STPG2: variants seen among roughly 807,000 people sequenced by gnomAD.
STPG2 encodes the protein sperm-tail PG-rich repeat-containing protein 2.
In STPG2, 56 loss-of-function variants were observed where a neutral mutation model predicts 54.2. The observed-to-expected ratio is 1.03, with a 90% CI of 0.83 to 1.29. The LOEUF (loss-of-function observed/expected upper bound fraction) is 1.29. Ranked by LOEUF, STPG2 falls within the 50% of genes most tolerant of loss-of-function variation. The pLI, the probability that STPG2 is intolerant of heterozygous loss-of-function variation, is 0.00. For missense variants in STPG2, 596 were observed against 544.9 expected, an observed-to-expected ratio of 1.09 and a Z score of -0.93; for synonymous variants, 200 against 181.8, an observed-to-expected ratio of 1.10 and a Z score of -0.81.
intron 10 of STPG2, among the ~76,000 whole-genome samples, chr4:97,658,392 T>C (rs1722277700): frequency 6.6e-6 from 1 of 152,196 alleles, no homozygotes; most frequent in South Asian, 2.1e-4. Flanking sequence ...AATTTATGCT[T>C]TTGACAATAT....
chr4:98,011,738 G>A (rs771770066), intron 5 of STPG2, among the ~76,000 whole-genome samples: 1 of 152,022 alleles, frequency 6.6e-6, no homozygotes, highest in Non-Finnish European at 1.5e-5. Flanking sequence ...TCATATGTTT[G>A]TTGGCTGCAT....
chr4:97,669,802 C>CA lies in STPG2; in HGVS notation c.1320+42896dup, dbSNP rs1292978345. Among the ~76,000 whole-genome samples the CA allele has an allele frequency of 7.6e-3, 164 of 21,608 alleles. 26 individuals carry two copies. The highest frequency in any genetic ancestry group is 0.04 in the East Asian group (34 of 848). The allele number at this position is 21,608 out of a possible 152,430, so 14.2% of individuals were successfully genotyped here. On this transcript the variant is annotated intron_variant, in intron 10 of 10. Transcript: ENST00000295268. ...TGGGCAACAGAGCGAGACTCCGTCTCAAAAAAAAAAAAAAAAAGAAAGTTT... is the reference window on the plus strand; with the variant it reads ...TGGGCAACAGAGCGAGACTCCGTCTCAAAAAAAAAAAAAAAAAAGAAAGTTT...
intron 8 of STPG2, among the ~76,000 whole-genome samples, chr4:97,898,822 A>G (rs1261492155): frequency 6.6e-6 from 1 of 151,750 alleles, no homozygotes; most frequent in African/African-American, 2.4e-5. Flanking sequence ...CAAAATTCGT[A>G]TCTTTTATAA....
At chr4:98,080,212 T>G (rs1386289949) in intron 5 of STPG2, among the ~76,000 whole-genome samples, 1 of 152,130 alleles carries the variant, frequency 6.6e-6, no homozygotes, top group Non-Finnish European at 1.5e-5. Flanking sequence ...TTCAATTAAG[T>G]TTAAAGTTCT....
At chr4:98,108,393 C>A (rs193174619) in intron 4 of STPG2, among the ~76,000 whole-genome samples, 7 of 152,248 alleles carry the variant, frequency 4.6e-5, no homozygotes, top group Non-Finnish European at 8.8e-5. Context: ...ATTTGTTACT[C>A]AATTTTGCCT....
chr4:97,733,174 T>C (rs951088617), intron 9 of STPG2, among the ~76,000 whole-genome samples: 2 of 152,152 alleles, frequency 1.3e-5, no homozygotes, highest in African/African-American at 4.8e-5. Context: ...GTTGCAAAGA[T>C]GTGGAACCAA....
At chr4:97,991,019 GC>G (rs1734984536) in intron 5 of STPG2, among the ~76,000 whole-genome samples, 1 of 151,942 alleles carries the variant, frequency 6.6e-6, no homozygotes, top group African/African-American at 2.4e-5. Context: ...CATCACCCAG[GC>G]AGTGTACACT....
At chr4:97,616,105 T>TATGTGTG (rs1211288724) in intron 10 of STPG2, among the ~76,000 whole-genome samples, 1 of 97,006 alleles carries the variant, frequency 1.0e-5, no homozygotes, top group Admixed American at 1.3e-4. Flanking sequence ...TGTATGTATA[T>TATGTGTG]TTAATAGTAA....
chr4:97,770,897 G>C (rs1478709475), intron 9 of STPG2, among the ~76,000 whole-genome samples: 1 of 151,998 alleles, frequency 6.6e-6, no homozygotes, highest in South Asian at 2.1e-4. Flanking sequence ...TTTTCTTTTT[G>C]TCTGTATTTT....
intron 10 of STPG2, among the ~76,000 whole-genome samples, chr4:97,676,361 GA>G (rs1048422660): frequency 2.0e-5 from 3 of 151,690 alleles, no homozygotes; most frequent in Non-Finnish European, 1.5e-5. Context: ...AGTTATTTCT[GA>G]AAATCCATCC....
intron 10 of STPG2, among the ~76,000 whole-genome samples, chr4:97,598,037 G>A (rs1733345819): frequency 6.6e-6 from 1 of 151,588 alleles, no homozygotes. Context: ...AACTTCAGCA[G>A]AATTTCAAGA....
chr4:97,916,249 A>G (rs2149204623), intron 8 of STPG2: 1 of 152,756 alleles, frequency 6.5e-6, no homozygotes, highest in African/African-American at 2.4e-5. Context: ...ATTAGTAAGG[A>G]AAGTGGTAAC....
chr4:98,067,048 C>T (rs1297633836), intron 5 of STPG2, among the ~76,000 whole-genome samples: 1 of 152,122 alleles, frequency 6.6e-6, no homozygotes, highest in Non-Finnish European at 1.5e-5. Context: ...ATGTTTCTAA[C>T]ATTTAAACAT....
intron 4 of STPG2, among the ~76,000 whole-genome samples, chr4:97,463,928 T>C (rs1351068669): frequency 6.6e-6 from 1 of 152,236 alleles, no homozygotes; most frequent in Non-Finnish European, 1.5e-5. Flanking sequence ...ATCAGGTCTT[T>C]GTGTGGCTTT....
intron 4 of STPG2, among the ~76,000 whole-genome samples, chr4:97,447,704 T>G (rs900696836): frequency 6.6e-6 from 1 of 152,220 alleles, no homozygotes; most frequent in Non-Finnish European, 1.5e-5. Context: ...TCTGCCTAGA[T>G]TTCAGAGGAT....
intron 8 of STPG2, among the ~76,000 whole-genome samples, chr4:97,909,747 A>G (rs1731607331): frequency 6.6e-6 from 1 of 152,170 alleles, no homozygotes; most frequent in African/African-American, 2.4e-5. Context: ...TTTAGAATAT[A>G]TTCCTAATAT....
intron 10 of STPG2, among the ~76,000 whole-genome samples, chr4:97,650,469 T>C (rs1023202215): frequency 9.2e-5 from 14 of 152,122 alleles, no homozygotes. Context: ...ATTGGTTTGG[T>C]CTAGAAAGGC....
intron 10 of STPG2, among the ~76,000 whole-genome samples, chr4:97,645,589 T>C (rs558689078): frequency 6.6e-6 from 1 of 152,220 alleles, no homozygotes; most frequent in South Asian, 2.1e-4. Context: ...ATAGGCATTG[T>C]CAGAGATTCT....
chr4:97,914,921 C>T (rs951811854), intron 8 of STPG2, among the ~76,000 whole-genome samples: 6 of 152,134 alleles, frequency 3.9e-5, no homozygotes, highest in African/African-American at 1.2e-4. Context: ...TAGTATTTGT[C>T]CTTTTCTGTC....
Sources: allele counts gnomAD v4.1 joint callset (sites outside exome capture counted in the v4.1 genomes callset), GRCh38; gene constraint gnomAD v4.1.1; transcripts MANE v1.5; gene names NCBI Gene and HGNC (gene_info 2026-07-23, HGNC 2026-07-21).